The following SH3RF3 variants were observed in gnomAD, a reference collection of about 807,000 sequenced individuals.
The protein encoded by SH3RF3 is SH3 domain containing ring finger 3.
A neutral mutation model predicts 66.3 loss-of-function variants in SH3RF3; 29 were observed. The ratio of observed to expected loss-of-function variants is 0.44; its 90% CI spans 0.33 to 0.60. The LOEUF (loss-of-function observed/expected upper bound fraction) is 0.60, where lower values mean the gene tolerates loss of function less well. Among genes scored for constraint, SH3RF3 ranks in the 20% least tolerant of loss-of-function variants. SH3RF3 has a pLI of 0.04. For missense variants in SH3RF3, 1,194 were observed against 1,190.9 expected (o/e 1.00, Z -0.04); for synonymous variants, 583 against 532.0 (o/e 1.10, Z -1.32).
intron 1 of SH3RF3, among the ~76,000 whole-genome samples, chr2:109,200,125 C>T (rs1194672959): frequency 6.6e-6 from 1 of 152,174 alleles, no homozygotes. Context: ...ATGTTACGGA[C>T]ATGCTCCACA....
At chr2:109,450,844 T>C (rs1052823305) in intron 8 of SH3RF3, among the ~76,000 whole-genome samples, 9 of 152,270 alleles carry the variant, frequency 5.9e-5, no homozygotes, top group African/African-American at 1.9e-4. Context: ...CTCTCTTGGC[T>C]TGACTGATTC....
rs1413474348 is a variant in SH3RF3 at position 109,184,109 on chromosome 2, C to T, written c.573+53996C>T. ...TGAGCCCATGTGGTGGTTCCATGTG[C>T]TTCGTAGTCTCCTGCATGTGCTTCA... On this transcript the variant is annotated intron_variant, in intron 1 of 9. Transcript: ENST00000309415. 1.3e-5 allele frequency among the ~76,000 whole-genome samples: 2 copies of T among 152,334 alleles called. 1 individual carries two copies. The highest frequency in any genetic ancestry group is 4.1e-4 in the South Asian group (2 of 4,828).
intron 8 of SH3RF3, among the ~76,000 whole-genome samples, chr2:109,457,873 C>G (rs772718089): frequency 6.6e-6 from 1 of 152,156 alleles, no homozygotes; most frequent in Non-Finnish European, 1.5e-5. Context: ...GCCGTCTGTC[C>G]CTCCCAGAAG....
intron 1 of SH3RF3, among the ~76,000 whole-genome samples, chr2:109,315,574 A>T (rs573276902): frequency 3.9e-5 from 6 of 152,222 alleles, no homozygotes; most frequent in South Asian, 2.1e-4. Flanking sequence ...CCTGTTGTGC[A>T]CTGTCTGTGC....
chr2:109,290,438 A>G (rs1267559014), intron 1 of SH3RF3, among the ~76,000 whole-genome samples: 1 of 152,188 alleles, frequency 6.6e-6, no homozygotes, highest in Non-Finnish European at 1.5e-5. Context: ...ACATATATGC[A>G]TGCACCAGAT....
intron 1 of SH3RF3, among the ~76,000 whole-genome samples, chr2:109,139,550 T>C (rs1293130216): frequency 6.6e-6 from 1 of 152,240 alleles, no homozygotes; most frequent in East Asian, 1.9e-4. Flanking sequence ...GCTAGAAATC[T>C]GAGTTTTAAA....
intron 1 of SH3RF3, among the ~76,000 whole-genome samples, chr2:109,336,567 G>GATCA (rs1382690552): frequency 6.6e-5 from 10 of 152,232 alleles, no homozygotes; most frequent in Non-Finnish European, 1.2e-4. Flanking sequence ...AAGGGAGGAG[G>GATCA]ATGATGCCAG....
intron 8 of SH3RF3, among the ~76,000 whole-genome samples, chr2:109,484,700 A>C (rs1678924494): frequency 6.6e-6 from 1 of 152,232 alleles, no homozygotes; most frequent in Non-Finnish European, 1.5e-5. Flanking sequence ...CAAGTGATGC[A>C]ATAAATCAAA....
In SH3RF3 at chr2:109,318,950, C is replaced by T. The variant is rs948077664; in HGVS notation, c.574-28724C>T. Among the ~76,000 whole-genome samples, 8 of 152,344 alleles carry T rather than the reference C, an allele frequency of 5.3e-5. No individual in the cohort carries two copies. The East Asian group carries it at 1.5e-3, about 29-fold the overall frequency. On this transcript the variant is annotated intron_variant, in intron 1 of 9. Transcript: ENST00000309415. ...TAATGAAACTGTACTTCATAACTTC[C>T]CTGAGAACATTTGTATTTCAAGTGT...
chr2:109,136,925 C>T (rs879546), intron 1 of SH3RF3, among the ~76,000 whole-genome samples: 56,796 of 151,966 alleles, frequency 0.37, 13,679 homozygotes, highest in Non-Finnish European at 0.54. Flanking sequence ...AGGGAGCCAT[C>T]TTTACCCTGG....
intron 1 of SH3RF3, among the ~76,000 whole-genome samples, chr2:109,163,824 A>G (rs1162405589): frequency 2.0e-5 from 3 of 152,166 alleles, no homozygotes; most frequent in African/African-American, 4.8e-5. Context: ...TTCCCTCCAA[A>G]CAATGTGTTT....
At chr2:109,299,526 A>G (rs1183105384) in intron 1 of SH3RF3, among the ~76,000 whole-genome samples, 1 of 152,070 alleles carries the variant, frequency 6.6e-6, no homozygotes, top group Non-Finnish European at 1.5e-5. Context: ...CTTGCACCCC[A>G]GGACAGGAGG....
intron 1 of SH3RF3, among the ~76,000 whole-genome samples, chr2:109,285,943 C>T (rs571367167): frequency 1.3e-5 from 2 of 152,328 alleles, no homozygotes; most frequent in South Asian, 2.1e-4. Flanking sequence ...TTCCTCTTTT[C>T]TGCCCTGGGT....
intron 8 of SH3RF3, among the ~76,000 whole-genome samples, chr2:109,468,976 T>C (rs1355055296): frequency 6.6e-6 from 1 of 150,526 alleles, no homozygotes; most frequent in Non-Finnish European, 1.5e-5. Context: ...CGGGGGCTAC[T>C]AGATGCATGT....
chr2:109,501,374 A>C, intron 9 of SH3RF3, 129 bp from the exon 10 acceptor site: 1 of 527,250 alleles, frequency 1.9e-6, no homozygotes, highest in Non-Finnish European at 3.4e-6. Flanking sequence ...AATAAAGATA[A>C]ATAGAAATTG....
intron 8 of SH3RF3, among the ~76,000 whole-genome samples, chr2:109,472,300 C>T (rs892970398): frequency 7.3e-5 from 11 of 151,146 alleles, no homozygotes; most frequent in South Asian, 2.1e-4. Context: ...GGAGAGGACC[C>T]GGCCAGGGGC....
intron 3 of SH3RF3, among the ~76,000 whole-genome samples, chr2:109,373,323 G>A (rs1226987489): frequency 1.3e-5 from 2 of 152,172 alleles, no homozygotes; most frequent in Admixed American, 6.5e-5. Flanking sequence ...TTTTCTCCAG[G>A]CAGAATCTTA....
intron 1 of SH3RF3, among the ~76,000 whole-genome samples, chr2:109,260,027 T>C (rs188524631): frequency 6.6e-6 from 1 of 152,324 alleles, no homozygotes; most frequent in Admixed American, 6.5e-5. Context: ...AAGTAGTAAT[T>C]GTAATTTTTT....
At chr2:109,139,240 C>T (rs992804193) in intron 1 of SH3RF3, among the ~76,000 whole-genome samples, 4 of 152,140 alleles carry the variant, frequency 2.6e-5, no homozygotes, top group Admixed American at 6.5e-5. Flanking sequence ...TGAGAAAATG[C>T]GTGCAGAGCA....
Sources: gnomAD v4.1 joint callset for allele counts (sites outside exome capture counted in the v4.1 genomes callset) on GRCh38, gnomAD v4.1.1 for gene constraint, MANE v1.5 for transcripts, NCBI Gene and HGNC (gene_info 2026-07-23, HGNC 2026-07-21) for gene names.